PDE1A: variants seen among roughly 807,000 people sequenced by gnomAD.
PDE1A encodes the protein dual specificity calcium/calmodulin-dependent 3',5'-cyclic nucleotide phosphodiesterase 1A.
PDE1A carries 35 observed loss-of-function variants against 61.7 expected under a neutral mutation model. The observed-to-expected ratio is 0.57, with a 90% CI of 0.43 to 0.75. PDE1A has a LOEUF of 0.75. PDE1A is among the 30% of genes least tolerant of loss of function. The probability of loss-of-function intolerance (pLI) is 0.00; values close to 1 mark genes in which losing one functional copy is unlikely to be tolerated. For synonymous variants in PDE1A, 232 were observed against 213.2 expected, an observed-to-expected ratio of 1.09 and a Z score of -0.77; for missense variants, 597 against 630.6, an observed-to-expected ratio of 0.95 and a Z score of 0.57.
At chr2:182,625,747 A>G in the PDE1A span, among the ~76,000 whole-genome samples, 1 of 152,186 alleles carries the variant, frequency 6.6e-6, no homozygotes, top group African/African-American at 2.4e-5. Flanking sequence ...CCTAAAGCCA[A>G]TATGTACTTT....
chr2:182,479,963 G>A lies in PDE1A; in HGVS notation c.101+42313C>T, dbSNP rs530721398. Among the ~76,000 whole-genome samples, 50 of 151,836 alleles carry A rather than the reference G, an allele frequency of 3.3e-4. 1 individual carries two copies. The highest frequency in any genetic ancestry group is 2.9e-3 in the Admixed American group (44 of 15,182). On this transcript the variant is annotated intron_variant, in intron 2 of 14. Transcript: ENST00000410103. ...TTCTATCATATCTGTTTCATATGGAGAACAAAACTTCCTAAAATATCATAG... is the reference window on the plus strand; with the variant it reads ...TTCTATCATATCTGTTTCATATGGAAAACAAAACTTCCTAAAATATCATAG...
At chr2:182,632,348 CTATG>C in the PDE1A span, among the ~76,000 whole-genome samples, 1 of 152,102 alleles carries the variant, frequency 6.6e-6, no homozygotes, top group Admixed American at 6.6e-5. Flanking sequence ...TACAATCGTT[CTATG>C]TAAGATTTAG....
In PDE1A at chr2:182,186,080, C is replaced by A; in HGVS notation, c.1329-1G>T. On this transcript the variant is annotated splice_acceptor_variant, in intron 12 of 13. Coordinates refer to ENST00000351439, the Ensembl canonical transcript of PDE1A. LOFTEE classifies it high-confidence loss of function. ...GTGTAACCCCACAATGGTGGTTGAGCTAACAGTAACAACCAAAGAAACCAA... is the reference window on the plus strand; with the variant it reads ...GTGTAACCCCACAATGGTGGTTGAGATAACAGTAACAACCAAAGAAACCAA... 10 of 1,612,672 alleles carry A rather than the reference C, an allele frequency of 6.2e-6. No individual in the cohort carries two copies. The highest frequency in any genetic ancestry group is 8.5e-6 in the Non-Finnish European group (10 of 1,178,992).
intron 1 of PDE1A, among the ~76,000 whole-genome samples, chr2:182,393,889 T>A (rs745346847): frequency 9.2e-5 from 14 of 152,356 alleles, no homozygotes; most frequent in Admixed American, 6.5e-4. Context: ...ATTGTCCATA[T>A]CATTATCAGC....
chr2:182,169,081 A>C lies in PDE1A; in HGVS notation c.1517-791T>G, dbSNP rs918693887. 3.9e-5 allele frequency among the ~76,000 whole-genome samples: 6 copies of C among 152,054 alleles called. No homozygotes were observed. The East Asian group carries it at 1.2e-3, about 29-fold the overall frequency. On this transcript the variant is annotated intron_variant, in intron 13 of 13. Coordinates refer to ENST00000351439, the Ensembl canonical transcript of PDE1A. ...ATAATTTAATATAAATATCATAAAT[A>C]ATTTCTTTAACTCATAAGCATTTGG...
At chr2:182,293,283 G>A (rs1260001664) in intron 1 of PDE1A, among the ~76,000 whole-genome samples, 3 of 151,898 alleles carry the variant, frequency 2.0e-5, no homozygotes, top group African/African-American at 7.3e-5. Flanking sequence ...AACAAATAAC[G>A]CAACAACCCT....
chr2:182,704,173 T>G, the PDE1A span, among the ~76,000 whole-genome samples: 2 of 141,732 alleles, frequency 1.4e-5, no homozygotes, highest in East Asian at 4.3e-4. Context: ...ATCACGCCAC[T>G]GCACTCCAGT....
chr2:182,638,265 G>A, the PDE1A span, among the ~76,000 whole-genome samples: 3 of 152,150 alleles, frequency 2.0e-5, no homozygotes, highest in African/African-American at 7.2e-5. Flanking sequence ...ACAGTCGGGT[G>A]CAGTGGCTCA....
intron 1 of PDE1A, among the ~76,000 whole-genome samples, chr2:182,310,976 T>C (rs1419910076): frequency 6.6e-6 from 1 of 152,074 alleles, no homozygotes; most frequent in Non-Finnish European, 1.5e-5. Flanking sequence ...ATATCTTTCT[T>C]CCCCTGTCTC....
At chr2:182,326,903 A>C (rs1697081819) in intron 1 of PDE1A, among the ~76,000 whole-genome samples, 1 of 152,166 alleles carries the variant, frequency 6.6e-6, no homozygotes, top group South Asian at 2.1e-4. Flanking sequence ...ATTTAAAAGC[A>C]TATGTTAAGG....
At chr2:182,674,580 A>G in the PDE1A span, among the ~76,000 whole-genome samples, 1 of 20,756 alleles carries the variant, frequency 4.8e-5, no homozygotes, top group Non-Finnish European at 1.6e-4. Context: ...AGATACATAT[A>G]TATATATATA....
At chr2:182,234,171 TAAG>T (rs1190685226) in intron 4 of PDE1A, among the ~76,000 whole-genome samples, 9 of 152,026 alleles carry the variant, frequency 5.9e-5, no homozygotes, top group East Asian at 1.9e-4. Flanking sequence ...TAAATAAAAT[TAAG>T]AAAAAAAACA....
the PDE1A span, among the ~76,000 whole-genome samples, chr2:182,571,553 G>A: frequency 9.2e-5 from 14 of 151,796 alleles, no homozygotes; most frequent in Admixed American, 3.3e-4. Context: ...ATTAAAAATT[G>A]GTAAAATACA....
chr2:182,242,145 A>C, intron 2 of PDE1A: 1 of 1,103,234 alleles, frequency 9.1e-7, no homozygotes, highest in Non-Finnish European at 1.1e-6. Context: ...GAATGACAGA[A>C]ACCTGGCTGA....
At chr2:182,670,126 C>T in the PDE1A span, among the ~76,000 whole-genome samples, 2 of 152,222 alleles carry the variant, frequency 1.3e-5, no homozygotes, top group Non-Finnish European at 2.9e-5. Context: ...ATTCTCTCTT[C>T]CCTGTATATA....
At chr2:182,174,063 C>G (rs1377464774) in intron 13 of PDE1A, among the ~76,000 whole-genome samples, 4 of 151,946 alleles carry the variant, frequency 2.6e-5, no homozygotes, top group African/African-American at 9.7e-5. Flanking sequence ...TTACAGAGAC[C>G]CGTGAGATAA....
At chr2:182,362,739 T>C (rs1699581039) in intron 1 of PDE1A, among the ~76,000 whole-genome samples, 2 of 152,036 alleles carry the variant, frequency 1.3e-5, no homozygotes, top group African/African-American at 4.8e-5. Flanking sequence ...GGAATATAAA[T>C]TGTTGTATCA....
chr2:182,477,238 C>T (rs1687424384), intron 2 of PDE1A, among the ~76,000 whole-genome samples: 2 of 151,914 alleles, frequency 1.3e-5, no homozygotes. Context: ...TTCCAATTAT[C>T]TGACTCATGT....
chr2:182,246,051 G>A (rs902863323), intron 2 of PDE1A, among the ~76,000 whole-genome samples: 1 of 152,118 alleles, frequency 6.6e-6, no homozygotes, highest in African/African-American at 2.4e-5. Flanking sequence ...TCCCTCTACA[G>A]CCAGAATGCC....
Sources: gnomAD v4.1 joint callset for allele counts (sites outside exome capture counted in the v4.1 genomes callset) on GRCh38, gnomAD v4.1.1 for gene constraint, MANE v1.5 for transcripts, NCBI Gene and HGNC (gene_info 2026-07-23, HGNC 2026-07-21) for gene names.